NAALADL2: variants seen among roughly 807,000 people sequenced by gnomAD.
The protein encoded by NAALADL2 is inactive N-acetylated-alpha-linked acidic dipeptidase-like protein 2.
Under a neutral mutation model 87.2 loss-of-function variants are expected in NAALADL2, and 76 were observed. The observed-to-expected ratio is 0.87, with a 90% CI of 0.72 to 1.05. The LOEUF (loss-of-function observed/expected upper bound fraction) is 1.05. Ranked by LOEUF, NAALADL2 falls within the 50% of genes least tolerant of loss-of-function variation. The probability of loss-of-function intolerance (pLI) is 0.00; values close to 1 mark genes in which losing one functional copy is unlikely to be tolerated. For synonymous variants in NAALADL2, 354 were observed against 331.0 expected, an observed-to-expected ratio of 1.07 and a Z score of -0.75; for missense variants, 1,089 against 945.8, an observed-to-expected ratio of 1.15 and a Z score of -1.99.
chr3:174,859,358 A>G lies in NAALADL2; in HGVS notation c.-50A>G, dbSNP rs753096271. The G allele has an allele frequency of 3.8e-5, 53 of 1,399,568 alleles. No homozygotes were observed. The South Asian group carries it at 5.9e-4, about 16-fold the overall frequency. The allele number at this position is 1,399,568 out of a possible 1,614,324, so 86.7% of individuals were successfully genotyped here. ...CAGAAGGTCACAAAGCTTGCAGGGT[A>G]AGTGACACAACTTGAAACTGCTTGG... On this transcript the variant is annotated 5_prime_UTR_variant, in exon 1 of 14. Transcript: ENST00000454872.
chr3:175,250,648 G>C (rs1581121730), intron 3 of NAALADL2, among the ~76,000 whole-genome samples: 1 of 152,228 alleles, frequency 6.6e-6, no homozygotes, highest in East Asian at 1.9e-4. Flanking sequence ...TTCTGAAGGT[G>C]ACTAGAAACA....
rs765485400 is a variant in NAALADL2 at position 175,374,553 on chromosome 3, GAAAAAAAAAAAAAAAA to G, written c.1090+50245_1090+50260del. ...AGTGCTGAGTACCACTGCATCTCCAGAAAAAAAAAAAAAAAAAAAAAAAAAAAAAAAAGAAAGTTAT... is the reference window on the plus strand; with the variant it reads ...AGTGCTGAGTACCACTGCATCTCCAGAAAAAAAAAAAAAAAAGAAAGTTAT... On this transcript the variant is annotated intron_variant, in intron 5 of 13. Coordinates refer to ENST00000454872, the MANE Select transcript of NAALADL2 (RefSeq NM_207015.3). Among the ~76,000 whole-genome samples the G allele has an allele frequency of 5.1e-3, 232 of 45,418 alleles. 2 individuals carry two copies. The highest frequency in any genetic ancestry group is 0.014 in the African/African-American group (200 of 14,646). 29.8% of individuals were successfully genotyped at this position (45,418 alleles called of 152,430 possible). A position where few individuals can be genotyped will look rare whatever the true frequency, so the allele number is the denominator to read the frequency against.
At chr3:175,512,313 A>G (rs970557280) in intron 9 of NAALADL2, among the ~76,000 whole-genome samples, 9 of 152,170 alleles carry the variant, frequency 5.9e-5, no homozygotes, top group African/African-American at 2.2e-4. Flanking sequence ...ATTAAGTCCT[A>G]TGTTAAATGT....
intron 9 of NAALADL2, among the ~76,000 whole-genome samples, chr3:175,507,606 T>TAA (rs1730527289): frequency 6.6e-6 from 1 of 152,136 alleles, no homozygotes; most frequent in South Asian, 2.1e-4. Flanking sequence ...GTACTTTTAG[T>TAA]AGAGATGGCG....
chr3:174,877,548 C>T lies in NAALADL2; in HGVS notation c.43+18098C>T, dbSNP rs575519454. Among the ~76,000 whole-genome samples, 8 of 152,136 alleles carry T rather than the reference C, an allele frequency of 5.3e-5. No individual in the cohort carries two copies. In the South Asian group the frequency reaches 1.7e-3, roughly 32 times the overall value. On this transcript the variant is annotated intron_variant, in intron 1 of 13. Transcript: ENST00000454872. ...TCATTTTAAATATAACCACTTAGCT[C>T]CAGGAATTTCATTAACTTTTAACTT... is the stretch of plus-strand genomic sequence containing the variant.
intron 2 of NAALADL2, among the ~76,000 whole-genome samples, chr3:175,162,206 TATC>T (rs1733330929): frequency 6.6e-6 from 1 of 152,178 alleles, no homozygotes; most frequent in Admixed American, 6.6e-5. Flanking sequence ...CAGGAATTAG[TATC>T]ATATTACCTA....
At chr3:175,675,302 T>C (rs963679200) in intron 11 of NAALADL2, 1 of 152,308 alleles carries the variant, frequency 6.6e-6, no homozygotes, top group African/African-American at 2.4e-5. Context: ...CTACATCATA[T>C]GACCATTCTG....
intron 5 of NAALADL2, among the ~76,000 whole-genome samples, chr3:175,358,242 G>A (rs1764600086): frequency 6.6e-6 from 1 of 151,514 alleles, no homozygotes; most frequent in Non-Finnish European, 1.5e-5. Flanking sequence ...TCCTAATTTT[G>A]ACATGCAATC....
At chr3:174,543,077 T>C (rs1424158631) in intron 1 of NAALADL2, among the ~76,000 whole-genome samples, 2 of 152,092 alleles carry the variant, frequency 1.3e-5, no homozygotes, top group African/African-American at 4.8e-5. Flanking sequence ...GGGAGATTGA[T>C]AGTGCAAGAA....
intron 10 of NAALADL2, among the ~76,000 whole-genome samples, chr3:175,617,631 A>G (rs1172352541): frequency 2.0e-5 from 3 of 152,134 alleles, no homozygotes; most frequent in East Asian, 1.9e-4. Flanking sequence ...TCCCAACCCT[A>G]TTCTAAAAGA....
At chr3:174,944,972 G>C (rs1006070923) in intron 1 of NAALADL2, among the ~76,000 whole-genome samples, 1 of 152,078 alleles carries the variant, frequency 6.6e-6, no homozygotes, top group Non-Finnish European at 1.5e-5. Context: ...TTCAGTTGAA[G>C]GTGCCGTATT....
intron 9 of NAALADL2, among the ~76,000 whole-genome samples, chr3:175,514,442 A>T (rs1158558125): frequency 1.3e-5 from 2 of 152,200 alleles, no homozygotes; most frequent in Non-Finnish European, 2.9e-5. Flanking sequence ...CTTCTTTATG[A>T]GTACAAAAGA....
chr3:174,451,843 G>GT (rs764587503), intron 1 of NAALADL2, among the ~76,000 whole-genome samples: 1,229 of 97,990 alleles, frequency 0.013, 124 homozygotes, highest in African/African-American at 0.016. Context: ...GATAGTGGGA[G>GT]TTTTTTTTTT....
chr3:175,201,665 A>G (rs1014540933), intron 2 of NAALADL2, among the ~76,000 whole-genome samples: 2 of 152,042 alleles, frequency 1.3e-5, no homozygotes, highest in East Asian at 3.9e-4. Flanking sequence ...TTAAATAACC[A>G]TATTCTTTTA....
chr3:175,008,816 T>C (rs1749400016), intron 1 of NAALADL2, among the ~76,000 whole-genome samples: 1 of 151,830 alleles, frequency 6.6e-6, no homozygotes, highest in African/African-American at 2.4e-5. Context: ...CCAGCCATCA[T>C]TTTTTGTAAA....
At chr3:175,050,876 A>G (rs543468325) in intron 1 of NAALADL2, among the ~76,000 whole-genome samples, 12 of 152,276 alleles carry the variant, frequency 7.9e-5, no homozygotes, top group Non-Finnish European at 1.5e-4. Flanking sequence ...AGTTGTGTTG[A>G]CAAAATGTCA....
At chr3:175,366,973 T>G (rs558564298) in intron 5 of NAALADL2, among the ~76,000 whole-genome samples, 21 of 151,808 alleles carry the variant, frequency 1.4e-4, no homozygotes, top group African/African-American at 4.6e-4. Context: ...GGTTTTCTTC[T>G]AGGGTTTTTA....
At chr3:175,239,311 T>C (rs1454704889) in intron 3 of NAALADL2, among the ~76,000 whole-genome samples, 1 of 152,218 alleles carries the variant, frequency 6.6e-6, no homozygotes, top group Non-Finnish European at 1.5e-5. Context: ...TGTATTTTTC[T>C]TAAAAGGTAA....
intron 1 of NAALADL2, among the ~76,000 whole-genome samples, chr3:174,884,309 C>A (rs997269077): frequency 2.4e-4 from 36 of 152,154 alleles, no homozygotes; most frequent in African/African-American, 8.7e-4. Flanking sequence ...CATATGTGAC[C>A]TTCTGGAGAA....
Sources: gnomAD v4.1 joint callset for allele counts (sites outside exome capture counted in the v4.1 genomes callset) on GRCh38, gnomAD v4.1.1 for gene constraint, MANE v1.5 for transcripts, NCBI Gene and HGNC (gene_info 2026-07-23, HGNC 2026-07-21) for gene names.